The following HMGB1 variants were observed in gnomAD, a reference collection of about 807,000 sequenced individuals.
HMGB1 encodes the protein high mobility group box 1.
For missense variants in HMGB1, 79 were observed against 253.5 expected (o/e 0.31, Z 4.67); for synonymous variants, 81 against 84.0 (o/e 0.96, Z 0.19).
At chr13:30,490,223 C>G (rs1887455684) in intron 1 of HMGB1, among the ~76,000 whole-genome samples, 1 of 151,960 alleles carries the variant, frequency 6.6e-6, no homozygotes, top group African/African-American at 2.4e-5. Flanking sequence ...TGCCATTATG[C>G]CTTCACCAAG....
chr13:30,547,589 C>T (rs370992161), intron 1 of HMGB1, among the ~76,000 whole-genome samples: 1 of 151,960 alleles, frequency 6.6e-6, no homozygotes, highest in Non-Finnish European at 1.5e-5. Context: ...CTGTCTAACA[C>T]CATGGGAAAA....
intron 1 of HMGB1, among the ~76,000 whole-genome samples, chr13:30,471,322 A>G (rs1451095067): frequency 6.6e-6 from 1 of 151,852 alleles, no homozygotes; most frequent in Non-Finnish European, 1.5e-5. Flanking sequence ...AACCAAACCA[A>G]TGGTTGGTTT....
chr13:30,569,539 G>T (rs1334108733), intron 1 of HMGB1, among the ~76,000 whole-genome samples: 1 of 152,064 alleles, frequency 6.6e-6, no homozygotes, highest in African/African-American at 2.4e-5. Flanking sequence ...ACAGGATTCT[G>T]GGAGGTAGGC....
chr13:30,495,431 G>C (rs1476654685), intron 1 of HMGB1, among the ~76,000 whole-genome samples: 1 of 151,442 alleles, frequency 6.6e-6, no homozygotes, highest in East Asian at 1.9e-4. Context: ...ATTGGTCCTA[G>C]CTCTGTCCTC....
intron 1 of HMGB1, among the ~76,000 whole-genome samples, chr13:30,539,106 TG>T (rs1415328301): frequency 6.6e-6 from 1 of 152,094 alleles, no homozygotes; most frequent in Non-Finnish European, 1.5e-5. Flanking sequence ...CATGTTGGCC[TG>T]GATGGTCTCC....
chr13:30,528,193 C>T (rs1044803622), intron 1 of HMGB1, among the ~76,000 whole-genome samples: 1 of 152,208 alleles, frequency 6.6e-6, no homozygotes, highest in African/African-American at 2.4e-5. Flanking sequence ...TCAGGGCTCC[C>T]ATCGCCAGCA....
chr13:30,483,773 C>A (rs944755292), intron 1 of HMGB1, among the ~76,000 whole-genome samples: 5 of 151,972 alleles, frequency 3.3e-5, no homozygotes, highest in Non-Finnish European at 7.4e-5. Flanking sequence ...ACCACCACAC[C>A]CAACTAATTT....
At chr13:30,553,812 T>C (rs1869547278) in intron 1 of HMGB1, 2 of 1,366,476 alleles carry the variant, frequency 1.5e-6, no homozygotes, top group African/African-American at 2.9e-5. Flanking sequence ...TCGAAATAGA[T>C]ACAGAGATGT....
At chr13:30,532,267 G>A (rs1230175257) in intron 1 of HMGB1, among the ~76,000 whole-genome samples, 11 of 150,666 alleles carry the variant, frequency 7.3e-5, no homozygotes, top group Middle Eastern at 3.4e-3. Context: ...CCCGGGAGGC[G>A]GAGGTTGCCG....
At chr13:30,465,059 A>G (rs1886677568) in intron 1 of HMGB1, 2 of 641,248 alleles carry the variant, frequency 3.1e-6, no homozygotes, top group East Asian at 1.6e-4. Flanking sequence ...AAGAGAGAGG[A>G]AAAAAAAAGT....
intron 1 of HMGB1, among the ~76,000 whole-genome samples, chr13:30,483,704 C>T (rs564527533): frequency 6.5e-4 from 97 of 150,030 alleles, no homozygotes; most frequent in Admixed American, 2.4e-3. Flanking sequence ...GCCTCTGCCT[C>T]CTGGACTCAA....
chr13:30,533,272 G>C (rs1210963904), intron 1 of HMGB1, among the ~76,000 whole-genome samples: 1 of 152,222 alleles, frequency 6.6e-6, no homozygotes, highest in African/African-American at 2.4e-5. Context: ...TCACAGTCTG[G>C]TGCTGTTCTC....
intron 1 of HMGB1, among the ~76,000 whole-genome samples, chr13:30,582,940 G>A (rs548032170): frequency 6.6e-6 from 1 of 152,198 alleles, no homozygotes; most frequent in South Asian, 2.1e-4. Flanking sequence ...ACTTTAGTCT[G>A]AAATCTCATA....
intron 1 of HMGB1, among the ~76,000 whole-genome samples, chr13:30,498,273 T>A (rs1399321919): frequency 6.6e-6 from 1 of 152,112 alleles, no homozygotes; most frequent in Non-Finnish European, 1.5e-5. Flanking sequence ...TGAGCCGAGA[T>A]TGCACCACTG....
chr13:30,589,028 G>A (rs568985088), intron 1 of HMGB1, among the ~76,000 whole-genome samples: 6 of 146,198 alleles, frequency 4.1e-5, no homozygotes, highest in South Asian at 2.1e-4. Flanking sequence ...TTTTTGAGAC[G>A]GAGTCTTGCT....
exon 1 of HMGB1, chr13:30,617,390 G>C (rs1950578091): frequency 6.6e-6 from 1 of 152,122 alleles, no homozygotes; most frequent in South Asian, 2.1e-4. Flanking sequence ...CTTTGGGAGA[G>C]CGGACTACGG....
intron 1 of HMGB1, among the ~76,000 whole-genome samples, chr13:30,600,221 G>A (rs1345930525): frequency 6.6e-6 from 1 of 152,166 alleles, no homozygotes; most frequent in African/African-American, 2.4e-5. Context: ...ATCTCTGGCA[G>A]AGCAATCTAT....
intron 1 of HMGB1, among the ~76,000 whole-genome samples, chr13:30,492,869 T>C (rs1887528141): frequency 6.6e-6 from 1 of 151,754 alleles, no homozygotes; most frequent in Non-Finnish European, 1.5e-5. Flanking sequence ...CGTGGGCCTG[T>C]AGTCCCAGCT....
intron 1 of HMGB1, chr13:30,464,061 A>C (rs1886539752): frequency 2.1e-6 from 2 of 973,512 alleles, no homozygotes; most frequent in Non-Finnish European, 2.4e-6. Flanking sequence ...AGGTCAGAAA[A>C]CATGCTGCCA....
Sources: gnomAD v4.1 joint callset for allele counts (sites outside exome capture counted in the v4.1 genomes callset) on GRCh38, gnomAD v4.1.1 for gene constraint, MANE v1.5 for transcripts, NCBI Gene and HGNC (gene_info 2026-07-23, HGNC 2026-07-21) for gene names.